Variants in CREBBP observed in about 807,000 individuals in gnomAD.
CREBBP encodes the protein CREB binding lysine acetyltransferase, also known as CREB-binding protein.
A neutral mutation model predicts 265.0 loss-of-function variants in CREBBP; 19 were observed. That is an observed-to-expected ratio of 0.07 (90% confidence interval 0.05 to 0.11). The LOEUF is 0.11. CREBBP is among the 10% of genes least tolerant of loss of function. The pLI, the probability that CREBBP is intolerant of heterozygous loss-of-function variation, is 1.00. For synonymous variants in CREBBP, 1,457 were observed against 1,223.7 expected (o/e 1.19, Z -3.98); for missense variants, 2,525 against 3,219.0 (o/e 0.78, Z 5.22).
intron 5 of CREBBP, among the ~76,000 whole-genome samples, chr16:3,784,229 C>T (rs1027016602): frequency 5.3e-5 from 8 of 152,124 alleles, no homozygotes; most frequent in East Asian, 1.9e-4. Context: ...AAACCCAATA[C>T]CTACCAGAGC....
intron 2 of CREBBP, among the ~76,000 whole-genome samples, chr16:3,816,363 C>T (rs896686114): frequency 2.6e-5 from 4 of 152,160 alleles, no homozygotes; most frequent in African/African-American, 7.2e-5. Context: ...GAAGCCAGAT[C>T]CTGAGGTTTC....
At chr16:3,846,837 T>C (rs1164713413) in intron 2 of CREBBP, among the ~76,000 whole-genome samples, 1 of 152,338 alleles carries the variant, frequency 6.6e-6, no homozygotes, top group South Asian at 2.1e-4. Context: ...GAAATAATAG[T>C]TGCCTTTGGT....
intron 3 of CREBBP, among the ~76,000 whole-genome samples, chr16:3,801,139 G>C (rs749296251): frequency 2.0e-5 from 3 of 152,126 alleles, no homozygotes; most frequent in African/African-American, 4.8e-5. Context: ...TTGCCTGGGT[G>C]ATGAGCCAAC....
intron 20 of CREBBP, among the ~76,000 whole-genome samples, chr16:3,749,971 G>A (rs1195772674): frequency 6.6e-6 from 1 of 152,040 alleles, no homozygotes; most frequent in Non-Finnish European, 1.5e-5. Context: ...CGTGACCATG[G>A]CTCACTGCAG....
At chr16:3,792,376 G>A (rs989203013) in intron 4 of CREBBP, among the ~76,000 whole-genome samples, 3 of 152,170 alleles carry the variant, frequency 2.0e-5, no homozygotes, top group Non-Finnish European at 4.4e-5. Context: ...CTGGAATAGC[G>A]AACAACTGCA....
At chr16:3,827,404 T>C (rs374941681) in intron 2 of CREBBP, among the ~76,000 whole-genome samples, 20 of 152,310 alleles carry the variant, frequency 1.3e-4, no homozygotes, top group East Asian at 5.8e-4. Flanking sequence ...TATTGATTGA[T>C]TGACTGAGAC....
chr16:3,851,872 A>T (rs2054847446), intron 1 of CREBBP, among the ~76,000 whole-genome samples: 1 of 138,992 alleles, frequency 7.2e-6, no homozygotes, highest in Admixed American at 7.0e-5. Context: ...AAAAAAAAAA[A>T]AAAAAAAGAC....
intron 2 of CREBBP, among the ~76,000 whole-genome samples, chr16:3,838,033 T>C (rs893767057): frequency 6.6e-6 from 1 of 152,132 alleles, no homozygotes; most frequent in Admixed American, 6.5e-5. Flanking sequence ...CACCAGGATC[T>C]ATGCTGCCCA....
chr16:3,874,633 T>C (rs992272806), intron 1 of CREBBP, among the ~76,000 whole-genome samples: 1 of 152,186 alleles, frequency 6.6e-6, no homozygotes, highest in Non-Finnish European at 1.5e-5. Flanking sequence ...GGACCCATAA[T>C]AGGCTAAAAA....
Position 3,779,180 on chromosome 16 carries a change from A to AAG in CREBBP, c.1824-364_1824-363insCT, listed in dbSNP as rs2053217327. 1.3e-5 allele frequency among the ~76,000 whole-genome samples: 2 copies of AAG among 151,544 alleles called. 1 individual carries two copies. The highest frequency in any genetic ancestry group is 4.2e-4 in the South Asian group (2 of 4,794). On this transcript the variant is annotated intron_variant, in intron 8 of 30. Transcript: ENST00000262367. ...AGACTCCATACCAAAAAAAGAAGAAAAAAAAAAAAAAGACACAGGGTCTTG... is the reference window on the plus strand; with the variant it reads ...AGACTCCATACCAAAAAAAGAAGAAAAGAAAAAAAAAAAGACACAGGGTCTTG...
intron 30 of CREBBP, among the ~76,000 whole-genome samples, chr16:3,730,342 C>T (rs1226233140): frequency 6.6e-6 from 1 of 152,174 alleles, no homozygotes; most frequent in Non-Finnish European, 1.5e-5. Context: ...CAGTGAAAGG[C>T]TGAGGGAGGC....
intron 1 of CREBBP, among the ~76,000 whole-genome samples, chr16:3,868,901 G>GA (rs1423795538): frequency 1.3e-5 from 2 of 152,196 alleles, no homozygotes; most frequent in African/African-American, 2.4e-5. Flanking sequence ...ATAAAAGAAT[G>GA]AAGTGGTAGG....
chr16:3,765,919 T>A (rs1211264461), intron 16 of CREBBP, among the ~76,000 whole-genome samples: 1 of 152,164 alleles, frequency 6.6e-6, no homozygotes, highest in African/African-American at 2.4e-5. Flanking sequence ...CCTGAATTCC[T>A]GGGCTCAAGC....
chr16:3,836,441 A>G (rs1327582354), intron 2 of CREBBP, among the ~76,000 whole-genome samples: 1 of 151,442 alleles, frequency 6.6e-6, no homozygotes, highest in Non-Finnish European at 1.5e-5. Context: ...CTCAAAAAAA[A>G]AAAAAAAAGA....
intron 20 of CREBBP, among the ~76,000 whole-genome samples, chr16:3,749,925 A>T (rs2052434662): frequency 6.6e-6 from 1 of 152,158 alleles, no homozygotes; most frequent in South Asian, 2.1e-4. Context: ...TTCAGAGACA[A>T]GGTCTTGCTC....
At chr16:3,787,216 G>T (rs1046955373) in intron 5 of CREBBP, among the ~76,000 whole-genome samples, 1 of 152,242 alleles carries the variant, frequency 6.6e-6, no homozygotes, top group African/African-American at 2.4e-5. Flanking sequence ...GCACCACAGT[G>T]AAGAGAAGCA....
At chr16:3,822,596 T>C (rs2054162026) in intron 2 of CREBBP, among the ~76,000 whole-genome samples, 1 of 152,150 alleles carries the variant, frequency 6.6e-6, no homozygotes, top group Non-Finnish European at 1.5e-5. Context: ...CATCTCCTCA[T>C]GGCGAATCTC....
At chr16:3,786,174 C>G (rs2053383117) in intron 5 of CREBBP, among the ~76,000 whole-genome samples, 1 of 152,034 alleles carries the variant, frequency 6.6e-6, no homozygotes, top group East Asian at 1.9e-4. Flanking sequence ...ACCAGCCTGG[C>G]TAATAACATG....
intron 19 of CREBBP, 145 bp downstream of exon 19, chr16:3,757,143 G>C (rs1183260055): frequency 8.4e-6 from 6 of 711,276 alleles, no homozygotes; most frequent in Non-Finnish European, 1.5e-5. Flanking sequence ...CAAAGTGCTG[G>C]GATTACAGGC....
Sources: allele counts gnomAD v4.1 joint callset (sites outside exome capture counted in the v4.1 genomes callset), GRCh38; gene constraint gnomAD v4.1.1; transcripts MANE v1.5; gene names NCBI Gene and HGNC (gene_info 2026-07-23, HGNC 2026-07-21).